The following TLK1 variants were observed in gnomAD, a reference collection of about 807,000 sequenced individuals.
TLK1 encodes the protein serine/threonine-protein kinase tousled-like 1.
TLK1 carries 24 observed loss-of-function variants against 105.3 expected under a neutral mutation model. The observed-to-expected ratio is 0.23, with a 90% CI of 0.17 to 0.32. The LOEUF (loss-of-function observed/expected upper bound fraction) is 0.32, where lower values mean the gene tolerates loss of function less well. Among genes scored for constraint, TLK1 ranks in the 10% least tolerant of loss-of-function variants. TLK1 has a pLI of 1.00. For synonymous variants in TLK1, 321 were observed against 310.4 expected, an observed-to-expected ratio of 1.03 and a Z score of -0.36; for missense variants, 558 against 910.5, an observed-to-expected ratio of 0.61 and a Z score of 4.98.
Position 171,160,370 on chromosome 2 carries a change from G to C in TLK1, c.59C>G (p.Ser20Cys), listed in dbSNP as rs944240000. 1.2e-6 allele frequency: 2 copies of C among 1,606,214 alleles called. No homozygotes were observed. The highest frequency in any genetic ancestry group is 8.5e-7 in the Non-Finnish European group (1 of 1,176,876). The change falls in exon 1 of 21, where the codon TCC becomes TGC. Residue 20 changes from serine (S) to cysteine (C), a missense_variant. Ser to Cys is a moderately radical substitution (Grantham distance 112). Transcript: ENST00000431350. This position sits in a 1 kb window ranked among gnomAD's most constrained non-coding sequence, Gnocchi z 4.4. ...CGCCGAGCCCGGGGTTGGAGACGTG[G>C]AGAGCTGGGACCAAGATGGCGGCCC... ...LEGPPSWSQL[S>C]TSPTPGSAAA...
chr2:171,152,592 A>T (rs1003256183), intron 1 of TLK1, among the ~76,000 whole-genome samples: 19 of 152,208 alleles, frequency 1.2e-4, no homozygotes, highest in African/African-American at 4.3e-4. Flanking sequence ...TTTTTTACAG[A>T]TTAGCTAGAC....
At chr2:171,137,512 C>T (rs760864587) in intron 1 of TLK1, among the ~76,000 whole-genome samples, 3 of 152,100 alleles carry the variant, frequency 2.0e-5, no homozygotes, top group Admixed American at 1.3e-4. Context: ...TGCACATATG[C>T]CTTGTTTAAT....
At chr2:171,051,371 C>T (rs1039382978) in intron 8 of TLK1, among the ~76,000 whole-genome samples, 1 of 152,030 alleles carries the variant, frequency 6.6e-6, no homozygotes, top group Non-Finnish European at 1.5e-5. Context: ...CCCAGCTTCC[C>T]TTAGAGCGAA....
intron 1 of TLK1, among the ~76,000 whole-genome samples, chr2:171,206,081 A>G (rs1693501285): frequency 6.6e-6 from 1 of 152,230 alleles, no homozygotes; most frequent in Non-Finnish European, 1.5e-5. Flanking sequence ...TTCTTATTAC[A>G]TGTCAAGAAA....
chr2:171,074,092 T>C (rs1045924103), intron 3 of TLK1, among the ~76,000 whole-genome samples: 3 of 152,108 alleles, frequency 2.0e-5, no homozygotes, highest in African/African-American at 7.2e-5. Flanking sequence ...GGTTCCACCC[T>C]GTTGGCCAGG....
intron 12 of TLK1, among the ~76,000 whole-genome samples, chr2:171,016,479 A>G (rs1575517710): frequency 6.6e-6 from 1 of 152,186 alleles, no homozygotes; most frequent in African/African-American, 2.4e-5. Flanking sequence ...AATACAGATC[A>G]CCTTGGCCTA....
chr2:171,228,731 C>T (rs936201944), intron 1 of TLK1, among the ~76,000 whole-genome samples: 8 of 152,166 alleles, frequency 5.3e-5, no homozygotes, highest in African/African-American at 1.9e-4. Flanking sequence ...CTGAGCAACA[C>T]TGACTGTCTC....
intron 4 of TLK1, among the ~76,000 whole-genome samples, chr2:171,059,535 C>T: frequency 6.6e-6 from 1 of 152,036 alleles, no homozygotes; most frequent in South Asian, 2.1e-4. Flanking sequence ...TGATTTTTTT[C>T]TTTTTTTAAA....
intron 1 of TLK1, among the ~76,000 whole-genome samples, chr2:171,141,316 T>C (rs1399214498): frequency 3.3e-5 from 5 of 152,202 alleles, no homozygotes; most frequent in African/African-American, 7.2e-5. Context: ...GAGTAACTAA[T>C]AGAAACATTT....
Position 171,139,626 on chromosome 2 carries a change from CA to C in TLK1, c.139+20663del, listed in dbSNP as rs368150512. On this transcript the variant is annotated intron_variant, in intron 1 of 20. Coordinates refer to ENST00000431350, the MANE Select transcript of TLK1 (RefSeq NM_012290.5). Reference sequence around the variant, plus strand: ...AACAAACAAACAACAACAACAACAACAAAAACCGGTTATCTTCAAGGCATCA... The same window carrying C: ...AACAAACAAACAACAACAACAACAACAAAACCGGTTATCTTCAAGGCATCA... Among the ~76,000 whole-genome samples, 438 of 151,556 alleles carry C rather than the reference CA, an allele frequency of 2.9e-3. 1 individual carries two copies. The highest frequency in any genetic ancestry group is 0.01 in the African/African-American group (412 of 41,012).
Position 171,004,061 on chromosome 2 carries a change from TC to T in TLK1, c.1904+2085del, listed in dbSNP as rs1242443419. ...CCTCTGCCTCCTGGATTCAAACAAT[TC>T]CCCTGCCTCAGCCTCCCAAGTAGCT... On this transcript the variant is annotated intron_variant, in intron 18 of 20. Coordinates refer to ENST00000431350, the MANE Select transcript of TLK1 (RefSeq NM_012290.5). Among the ~76,000 whole-genome samples, 9 of 152,192 alleles carry T rather than the reference TC, an allele frequency of 5.9e-5. No homozygotes were observed. In the East Asian group the frequency reaches 1.5e-3, roughly 26 times the overall value.
At chr2:171,107,032 C>T (rs191429799) in intron 2 of TLK1, among the ~76,000 whole-genome samples, 17 of 152,320 alleles carry the variant, frequency 1.1e-4, no homozygotes, top group Non-Finnish European at 8.8e-5. Context: ...TTAGCCTCAT[C>T]CAATCTACAA....
chr2:171,047,857 T>C (rs1160065357), intron 10 of TLK1, among the ~76,000 whole-genome samples: 4 of 152,222 alleles, frequency 2.6e-5, no homozygotes, highest in Non-Finnish European at 5.9e-5. Context: ...CTCTGGATTA[T>C]ATCACCAATT....
rs1252220459 is a variant in TLK1, at chr2:171,011,566, C to T, written c.1335-112G>A. ...CCTAGCTATTTATTTCTCAGTTACT[C>T]CACTGCTAATTTCAAATTTCATTCA... On this transcript the variant is annotated intron_variant, in intron 13 of 20. Transcript: ENST00000431350. The T allele has an allele frequency of 1.6e-5, 13 of 811,694 alleles. No homozygotes were observed. In the African/African-American group the frequency reaches 1.9e-4, roughly 12 times the overall value. 50.3% of individuals were successfully genotyped at this position (811,694 alleles called of 1,614,324 possible).
At chr2:171,025,717 ATCT>A (rs916766325) in intron 12 of TLK1, among the ~76,000 whole-genome samples, 18 of 152,318 alleles carry the variant, frequency 1.2e-4, no homozygotes, top group African/African-American at 4.3e-4. Flanking sequence ...AATCTGTTTA[ATCT>A]TTTTTAGAAA....
At chr2:171,041,276 T>C (rs758102957) in intron 11 of TLK1, among the ~76,000 whole-genome samples, 69 of 152,228 alleles carry the variant, frequency 4.5e-4, no homozygotes, top group Admixed American at 7.2e-4. Flanking sequence ...CCTACCATCT[T>C]TTCAACAGTA....
At chr2:171,015,986 G>C (rs147972355) in intron 12 of TLK1, among the ~76,000 whole-genome samples, 2,330 of 152,188 alleles carry the variant, frequency 0.015, 57 homozygotes, top group African/African-American at 0.05. Flanking sequence ...GCTGAGGCAG[G>C]AGAATTGCCT....
At chr2:171,205,158 G>T (rs1693480139) in intron 1 of TLK1, among the ~76,000 whole-genome samples, 1 of 151,782 alleles carries the variant, frequency 6.6e-6, no homozygotes, top group African/African-American at 2.4e-5. Flanking sequence ...GGTCACAGTG[G>T]GCCATGATCA....
intron 12 of TLK1, among the ~76,000 whole-genome samples, chr2:171,021,924 C>A (rs970448827): frequency 5.3e-5 from 8 of 151,802 alleles, no homozygotes; most frequent in Non-Finnish European, 1.2e-4. Flanking sequence ...ATGGTGAAAC[C>A]CCGTTTCTAC....
Sources: gnomAD v4.1 joint callset for allele counts (sites outside exome capture counted in the v4.1 genomes callset) on GRCh38, gnomAD v4.1.1 for gene constraint, Gnocchi (gnomAD v3.1) non-coding constraint, MANE v1.5 for transcripts, NCBI Gene and HGNC (gene_info 2026-07-23, HGNC 2026-07-21) for gene names.